The following ROBO2 variants were observed in gnomAD, a reference collection of about 807,000 sequenced individuals.
ROBO2 encodes roundabout homolog 2.
In ROBO2, 53 loss-of-function variants were observed where a neutral mutation model predicts 160.8. That is an observed-to-expected ratio of 0.33 (90% confidence interval 0.26 to 0.41). The LOEUF is 0.41. Ranked by LOEUF, ROBO2 falls within the 10% of genes least tolerant of loss-of-function variation. The pLI is 1.00. For synonymous variants in ROBO2, 664 were observed against 611.7 expected, an observed-to-expected ratio of 1.09 and a Z score of -1.26; for missense variants, 1,577 against 1,722.4, an observed-to-expected ratio of 0.92 and a Z score of 1.49.
At chr3:76,378,715 G>C (rs1025776247) in intron 2 of ROBO2, among the ~76,000 whole-genome samples, 5 of 152,150 alleles carry the variant, frequency 3.3e-5, no homozygotes, top group African/African-American at 1.2e-4. Context: ...CCTCAGAGAT[G>C]AGTTCAATCT....
At chr3:76,365,459 A>C (rs534304156) in intron 2 of ROBO2, among the ~76,000 whole-genome samples, 1 of 152,082 alleles carries the variant, frequency 6.6e-6, no homozygotes, top group Non-Finnish European at 1.5e-5. Context: ...GCTTTTCGCT[A>C]TGCAGAGGCT....
chr3:76,602,548 GA>G (rs778338335), intron 2 of ROBO2, among the ~76,000 whole-genome samples: 9 of 152,328 alleles, frequency 5.9e-5, no homozygotes, highest in South Asian at 4.1e-4. Context: ...GAGAGAATGC[GA>G]ATCAAGTGAA....
At chr3:76,876,167 G>A (rs2072692481) in intron 2 of ROBO2, among the ~76,000 whole-genome samples, 1 of 152,148 alleles carries the variant, frequency 6.6e-6, no homozygotes, top group Non-Finnish European at 1.5e-5. Context: ...CAAACACCAA[G>A]TTGGAGATAA....
intron 2 of ROBO2, among the ~76,000 whole-genome samples, chr3:77,110,002 G>C (rs1214896401): frequency 6.6e-6 from 1 of 152,146 alleles, no homozygotes; most frequent in East Asian, 1.9e-4. Flanking sequence ...GGGATATGAC[G>C]GAAAGAAACA....
At chr3:76,418,491 G>A (rs554788396) in intron 2 of ROBO2, among the ~76,000 whole-genome samples, 2 of 152,018 alleles carry the variant, frequency 1.3e-5, no homozygotes, top group Admixed American at 6.6e-5. Context: ...CACCCGCCTC[G>A]GCCTCCCAAG....
chr3:76,944,670 T>C (rs2149130343), intron 2 of ROBO2, among the ~76,000 whole-genome samples: 1 of 152,330 alleles, frequency 6.6e-6, no homozygotes, highest in South Asian at 2.1e-4. Flanking sequence ...TTAATATTTT[T>C]GAATGGCCAT....
rs973400236 is a variant in ROBO2 at position 77,282,288 on chromosome 3, A to C, written c.388+183948A>C. Among the ~76,000 whole-genome samples the C allele has an allele frequency of 3.3e-5, 5 of 152,070 alleles. No homozygotes were observed. In the East Asian group the frequency reaches 7.7e-4, roughly 24 times the overall value. The stretch of plus-strand genomic sequence containing the variant: ...CTTTTATGACTGAATTTATTTTTTT[A>C]AATAACTGAATTACTGCATAAAATA... On this transcript the variant is annotated intron_variant, in intron 2 of 25. Transcript: ENST00000461745.
chr3:76,865,837 G>C (rs561203833), intron 2 of ROBO2, among the ~76,000 whole-genome samples: 2 of 152,038 alleles, frequency 1.3e-5, no homozygotes, highest in African/African-American at 4.8e-5. Flanking sequence ...GCTGTATTAC[G>C]TTTTGAATTA....
chr3:77,493,362 T>A (rs921696282), exon 5 of ROBO2: 6 of 1,613,986 alleles, frequency 3.7e-6, no homozygotes, highest in Non-Finnish European at 4.2e-6. Context: ...AAAAGGATGA[T>A]GCAGACTTGC....
chr3:77,030,045 C>G (rs897217861), intron 2 of ROBO2, among the ~76,000 whole-genome samples: 3 of 151,938 alleles, frequency 2.0e-5, no homozygotes, highest in African/African-American at 7.3e-5. Flanking sequence ...TCCCAGTTCA[C>G]GCCTTTCTCC....
intron 2 of ROBO2, among the ~76,000 whole-genome samples, chr3:76,281,783 A>T (rs995139539): frequency 6.6e-6 from 1 of 152,016 alleles, no homozygotes; most frequent in Non-Finnish European, 1.5e-5. Context: ...CTTAGCACCA[A>T]ACATTGTTCA....
intron 2 of ROBO2, among the ~76,000 whole-genome samples, chr3:76,842,566 T>C (rs1485919328): frequency 1.3e-5 from 2 of 152,330 alleles, no homozygotes; most frequent in Middle Eastern, 3.4e-3. Context: ...ATATGAAGTA[T>C]AAGCTTCAGA....
At chr3:77,357,176 A>G (rs1211936533) in intron 2 of ROBO2, among the ~76,000 whole-genome samples, 1 of 152,160 alleles carries the variant, frequency 6.6e-6, no homozygotes, top group Non-Finnish European at 1.5e-5. Context: ...TGAGTGTGTC[A>G]CCCAAAGTTC....
chr3:77,405,458 A>T lies in ROBO2; in HGVS notation c.389-71956A>T, dbSNP rs1343840980. Among the ~76,000 whole-genome samples, 10 of 152,220 alleles carry T rather than the reference A, an allele frequency of 6.6e-5. No individual in the cohort carries two copies. In the East Asian group the frequency reaches 1.2e-3, roughly 18 times the overall value. The stretch of plus-strand genomic sequence containing the variant: ...TATCTATCTTCATATTCTAATTATG[A>T]TTAAGTTTTAAATAGCAGTTATGTC... On this transcript the variant is annotated intron_variant, in intron 2 of 25. Coordinates refer to ENST00000461745, the Ensembl canonical transcript of ROBO2.
chr3:77,356,585 A>G (rs1221689466), intron 2 of ROBO2, among the ~76,000 whole-genome samples: 1 of 152,140 alleles, frequency 6.6e-6, no homozygotes, highest in African/African-American at 2.4e-5. Flanking sequence ...TAATAGAAAA[A>G]CTTGCAAATT....
chr3:76,214,701 A>G (rs1703383721), intron 2 of ROBO2, among the ~76,000 whole-genome samples: 1 of 152,222 alleles, frequency 6.6e-6, no homozygotes, highest in Admixed American at 6.5e-5. Context: ...CAGCTCAAGG[A>G]GGCCTGCCTG....
At chr3:76,878,141 T>C (rs986268418) in intron 2 of ROBO2, among the ~76,000 whole-genome samples, 2 of 152,160 alleles carry the variant, frequency 1.3e-5, no homozygotes, top group African/African-American at 4.8e-5. Flanking sequence ...CTATGATGCA[T>C]TGAGCACATT....
intron 2 of ROBO2, among the ~76,000 whole-genome samples, chr3:76,728,908 T>C (rs1007946900): frequency 1.1e-3 from 42 of 39,494 alleles, no homozygotes; most frequent in African/African-American, 6.2e-3. Flanking sequence ...TGACCATAAG[T>C]TGTTTTTTTT....
At chr3:76,414,754 C>A (rs2075677749) in intron 2 of ROBO2, among the ~76,000 whole-genome samples, 1 of 136,630 alleles carries the variant, frequency 7.3e-6, no homozygotes, top group African/African-American at 3.1e-5. Flanking sequence ...TACCCTAAAA[C>A]TTAAAGTATA....
Sources: gnomAD v4.1 joint callset for allele counts (sites outside exome capture counted in the v4.1 genomes callset) on GRCh38, gnomAD v4.1.1 for gene constraint, MANE v1.5 for transcripts, NCBI Gene and HGNC (gene_info 2026-07-23, HGNC 2026-07-21) for gene names.